Variants in ASMTL observed in about 807,000 individuals in gnomAD.
ASMTL encodes the protein acetylserotonin O-methyltransferase like.
In ASMTL, 57 loss-of-function variants were observed where a neutral mutation model predicts 60.3. The ratio of observed to expected loss-of-function variants is 0.95; its 90% confidence interval spans 0.76 to 1.18. The LOEUF is 1.18. ASMTL is among the 50% of genes most tolerant of loss of function. The probability of loss-of-function intolerance (pLI) is 0.00; values close to 1 mark genes in which losing one functional copy is unlikely to be tolerated. For missense variants in ASMTL, 981 were observed against 852.6 expected, an observed-to-expected ratio of 1.15 and a Z score of -1.88; for synonymous variants, 419 against 373.0, an observed-to-expected ratio of 1.12 and a Z score of -1.42.
chrX:1,449,931 AC>A (rs1283036505), intron 1 of ASMTL, among the ~76,000 whole-genome samples: 2 of 114,032 alleles, frequency 1.8e-5, no homozygotes, highest in African/African-American at 3.0e-5. Flanking sequence ...CCAGTAACTA[AC>A]CCCCACCACC....
intron 5 of ASMTL, among the ~76,000 whole-genome samples, chrX:1,433,441 G>A (rs1397993219): frequency 6.0e-5 from 9 of 149,402 alleles, no homozygotes; most frequent in African/African-American, 1.7e-4. Context: ...CGAGGCGGGC[G>A]GATCACAAGG....
Position 1,427,845 on chromosome X carries a change from CGCCTCG to C in ASMTL, c.780_785del (p.Glu261_Ala262del). Reference sequence around the variant, plus strand: ...CTGCCGTGGCCTGTCCCGCCTCTCCCGCCTCGGCCTTCTCATCGCGGCTGCCCGCGT... The same window carrying C: ...CTGCCGTGGCCTGTCCCGCCTCTCCCGCCTTCTCATCGCGGCTGCCCGCGT... On this transcript the variant is annotated inframe_deletion, in exon 7 of 13. Transcript: ENST00000381317. 1 of 1,613,354 alleles carries C rather than the reference CGCCTCG, an allele frequency of 6.2e-7. No individual in the cohort carries two copies. Among genetic ancestry groups the C allele is most frequent in the Non-Finnish European group, 8.5e-7 (1 of 1,179,870 alleles).
chrX:1,417,542 C>T (rs1470409600), intron 11 of ASMTL, among the ~76,000 whole-genome samples: 1 of 106,808 alleles, frequency 9.4e-6, no homozygotes, highest in Non-Finnish European at 2.1e-5. Flanking sequence ...CACACATGCA[C>T]ACAGACACAC....
chrX:1,439,621 C>T (rs1375448285), intron 2 of ASMTL, among the ~76,000 whole-genome samples: 2 of 152,110 alleles, frequency 1.3e-5, no homozygotes, highest in Non-Finnish European at 2.9e-5. Flanking sequence ...CCGAGGCGGG[C>T]GCATCTCCTG....
intron 12 of ASMTL, among the ~76,000 whole-genome samples, chrX:1,408,156 G>A (rs62605708): frequency 0.26 from 9,828 of 38,470 alleles, 792 homozygotes; most frequent in Middle Eastern, 0.32. Context: ...AACTATGATG[G>A]CAACACTGCC....
At chrX:1,453,069 C>G, upstream of ASMTL, 1 of 522,418 alleles carries the variant, frequency 1.9e-6, no homozygotes, top group Non-Finnish European at 3.2e-6. Flanking sequence ...CAGGCCACAC[C>G]TCCATTGCCC....
At chrX:1,427,286 G>C (rs1271555020) in intron 7 of ASMTL, among the ~76,000 whole-genome samples, 6 of 150,488 alleles carry the variant, frequency 4.0e-5, no homozygotes, top group Non-Finnish European at 7.4e-5. Flanking sequence ...CATCTGTAGT[G>C]GACTGAACTG....
chrX:1,452,977 C>T, upstream of ASMTL: 1 of 643,754 alleles, frequency 1.6e-6, no homozygotes, highest in Admixed American at 3.6e-5. Flanking sequence ...CGCGAGGCCA[C>T]GCCCAGTCCG....
chrX:1,418,177 C>A, intron 10 of ASMTL, 61 bp from the exon 11 acceptor site: 1 of 1,511,756 alleles, frequency 6.6e-7, no homozygotes. Context: ...GACGACTCTC[C>A]AAAGCTCAAC....
chrX:1,432,315 G>C lies in ASMTL; in HGVS notation c.463C>G (p.Leu155Val), dbSNP rs1328838458. 6 of 1,612,934 alleles carry C rather than the reference G, an allele frequency of 3.7e-6. No individual in the cohort carries two copies. The highest frequency in any genetic ancestry group is 2.7e-5 in the African/African-American group (2 of 74,784). Reference protein sequence around the residue: ...YEETKVKFSELSEELLWEYVH... With the variant: ...YEETKVKFSEVSEELLWEYVH... ...TATTCCCAGAGCAGCTCCTCGGACAGCTCCGAGAACTTCACCTTCGTTTCC... is the reference window on the plus strand; with the variant it reads ...TATTCCCAGAGCAGCTCCTCGGACACCTCCGAGAACTTCACCTTCGTTTCC... Residue 155 changes from leucine to valine, a missense_variant, in exon 6 of 13, where the codon CTG becomes GTG. Leu to Val is a conservative substitution (Grantham distance 32, BLOSUM62 1). Transcript: ENST00000381317.
At chrX:1,427,247 C>T (rs1318949079) in intron 7 of ASMTL, among the ~76,000 whole-genome samples, 1 of 150,148 alleles carries the variant, frequency 6.7e-6, no homozygotes, top group Non-Finnish European at 1.5e-5. Context: ...GAAGGACCCT[C>T]CCCTGGGGCC....
At chrX:1,413,783 C>T (rs1332367693) in intron 11 of ASMTL, 4 of 151,354 alleles carry the variant, frequency 2.6e-5, no homozygotes, top group African/African-American at 9.8e-5. Flanking sequence ...GAGACAGACA[C>T]AGAGGAGAAG....
intron 7 of ASMTL, 110 bp downstream of exon 7, chrX:1,427,624 T>A: frequency 8.2e-7 from 1 of 1,216,438 alleles, no homozygotes; most frequent in Non-Finnish European, 1.1e-6. Context: ...TGAGACAACC[T>A]GACCTCAGAC....
At chrX:1,449,051 C>A (rs1256270376) in intron 1 of ASMTL, among the ~76,000 whole-genome samples, 3 of 152,082 alleles carry the variant, frequency 2.0e-5, no homozygotes, top group African/African-American at 7.2e-5. Context: ...TCCTTCAGAC[C>A]AGAGACATTC....
intron 6 of ASMTL, among the ~76,000 whole-genome samples, chrX:1,429,138 G>A (rs5949102): frequency 0.69 from 103,515 of 151,048 alleles, 35,683 homozygotes; most frequent in East Asian, 0.83. Context: ...CAGGTGATGC[G>A]CCTGCCTCGG....
intron 11 of ASMTL, 129 bp from the exon 12 acceptor site, chrX:1,412,983 G>GTC (rs2090092752): frequency 9.7e-7 from 1 of 1,029,534 alleles, no homozygotes; most frequent in Admixed American, 1.9e-5. Flanking sequence ...GCGGGAATGG[G>GTC]TCTTCCTGAA....
intron 2 of ASMTL, among the ~76,000 whole-genome samples, chrX:1,440,245 C>G (rs1242956492): frequency 6.6e-6 from 1 of 152,108 alleles, no homozygotes; most frequent in Non-Finnish European, 1.5e-5. Flanking sequence ...CGCCACCGCG[C>G]CCAGCCAATA....
chrX:1,442,397 C>T (rs1413792244), intron 1 of ASMTL, 80 bp from the exon 2 acceptor site: 28 of 1,533,656 alleles, frequency 1.8e-5, no homozygotes, highest in African/African-American at 5.5e-5. Flanking sequence ...ATTTGCAGGA[C>T]GCACATAGCG....
At position 1,403,181 on chromosome X, in the gene ASMTL, A is replaced by C; in HGVS notation, c.*88T>G. ...TATTCAGTCACGACTACACGCTCCTATGTGACTGTCCTATGGTACTTGGGG... is the reference window on the plus strand; with the variant it reads ...TATTCAGTCACGACTACACGCTCCTCTGTGACTGTCCTATGGTACTTGGGG... On this transcript the variant is annotated 3_prime_UTR_variant, in exon 13 of 13. Coordinates refer to ENST00000381317, the MANE Select transcript of ASMTL (RefSeq NM_004192.4). The C allele has an allele frequency of 9.3e-7, 1 of 1,075,536 alleles. No individual in the cohort carries two copies. The highest frequency in any genetic ancestry group is 1.4e-6 in the Non-Finnish European group (1 of 704,402). 66.6% of individuals were successfully genotyped at this position (1,075,536 alleles called of 1,614,324 possible).
Sources: allele counts gnomAD v4.1 joint callset (sites outside exome capture counted in the v4.1 genomes callset), GRCh38; gene constraint gnomAD v4.1.1; transcripts MANE v1.5; gene names NCBI Gene and HGNC (gene_info 2026-07-23, HGNC 2026-07-21).